Variants in ANKRD30A observed in about 807,000 individuals in gnomAD.
The protein encoded by ANKRD30A is ankyrin repeat domain-containing protein 30A.
In ANKRD30A, 170 loss-of-function variants were observed where a neutral mutation model predicts 166.3. The observed-to-expected ratio is 1.02, with a 90% CI of 0.90 to 1.16. ANKRD30A has a LOEUF of 1.16. ANKRD30A is among the 50% of genes most tolerant of loss of function. The pLI is 0.00. For missense variants in ANKRD30A, 1,630 were observed against 1,518.0 expected (o/e 1.07, Z -1.23); for synonymous variants, 564 against 508.9 (o/e 1.11, Z -1.46).
Position 37,147,350 on chromosome 10 carries a change from A to G in ANKRD30A, c.1456-20A>G, listed in dbSNP as rs1449412459. Reference sequence around the variant, plus strand: ...TATGATTTTAAAACTGAAATTATCTATTGATACTACTTTTAACAGAGTCTC... The same window carrying G: ...TATGATTTTAAAACTGAAATTATCTGTTGATACTACTTTTAACAGAGTCTC... On this transcript the variant is annotated intron_variant, in intron 8 of 35. Coordinates refer to ENST00000361713, the MANE Select transcript of ANKRD30A (RefSeq NM_052997.3). The G allele has an allele frequency of 4.0e-6, 6 of 1,506,518 alleles. No homozygotes were observed. Among genetic ancestry groups the G allele is most frequent in the Non-Finnish European group, 4.5e-6 (5 of 1,107,718 alleles). The allele number at this position is 1,506,518 out of a possible 1,614,324, so 93.3% of individuals were successfully genotyped here. A position where few individuals can be genotyped will look rare whatever the true frequency, so the allele number is the denominator to read the frequency against.
intron 25 of ANKRD30A, among the ~76,000 whole-genome samples, chr10:37,190,722 G>C (rs1478587195): frequency 2.0e-5 from 3 of 151,672 alleles, no homozygotes; most frequent in Non-Finnish European, 2.9e-5. Context: ...CTAGAGTGTG[G>C]GTGCTCTGGA....
In ANKRD30A at chr10:37,125,789, TGGA is replaced by T; in HGVS notation, c.7_9del (p.Glu3?). ...ACTCTCTAGCAGGTGGCCGCAGCCA[TGGA>T]GGAGATCTCTGCCGCCGCTGTCAAG... is the stretch of plus-strand genomic sequence containing the variant. On this transcript the variant is annotated start_lost and inframe_deletion, in exon 1 of 36. Coordinates refer to ENST00000361713, the MANE Select transcript of ANKRD30A (RefSeq NM_052997.3). 4 of 665,694 alleles carry T rather than the reference TGGA, an allele frequency of 6.0e-6. No homozygotes were observed. The South Asian group carries it at 7.4e-5, about 12-fold the overall frequency. 41.2% of individuals were successfully genotyped at this position (665,694 alleles called of 1,614,324 possible).
At chr10:37,258,587 A>G in the ANKRD30A span, among the ~76,000 whole-genome samples, 2 of 151,750 alleles carry the variant, frequency 1.3e-5, no homozygotes, top group African/African-American at 4.8e-5. Flanking sequence ...TTTGACCCCT[A>G]TCTTACATCA....
At chr10:37,155,703 C>T (rs61866722) in intron 13 of ANKRD30A, among the ~76,000 whole-genome samples, 15 of 152,074 alleles carry the variant, frequency 9.9e-5, no homozygotes, top group Non-Finnish European at 1.9e-4. Context: ...TTGCAAAAAT[C>T]ATATATAAAT....
At chr10:37,229,466 C>A (rs1056956083) in intron 34 of ANKRD30A, among the ~76,000 whole-genome samples, 2 of 151,934 alleles carry the variant, frequency 1.3e-5, no homozygotes, top group African/African-American at 4.8e-5. Context: ...CTAATATATT[C>A]AACACCTCAA....
At chr10:37,195,009 G>C (rs571912039) in intron 27 of ANKRD30A, among the ~76,000 whole-genome samples, 6 of 152,212 alleles carry the variant, frequency 3.9e-5, no homozygotes, top group Admixed American at 6.5e-5. Flanking sequence ...ATTGTGACAT[G>C]TCATGAGTCT....
intron 19 of ANKRD30A, among the ~76,000 whole-genome samples, chr10:37,167,521 G>T (rs530761545): frequency 6.6e-6 from 1 of 151,456 alleles, no homozygotes; most frequent in African/African-American, 2.4e-5. Flanking sequence ...GTTGTTATTC[G>T]TAGGTATTTT....
At chr10:37,158,359 T>A (rs781624747) in intron 13 of ANKRD30A, 33 bp from the exon 14 acceptor site, 16 of 1,599,006 alleles carry the variant, frequency 1.0e-5, no homozygotes, top group Admixed American at 1.7e-5. Flanking sequence ...CAGGCTTGCA[T>A]ATAATCAATT....
chr10:37,262,050 G>A, the ANKRD30A span: 1 of 152,302 alleles, frequency 6.6e-6, no homozygotes, highest in Non-Finnish European at 1.5e-5. Flanking sequence ...AAATGTATTT[G>A]ATAGATCCTT....
chr10:37,212,064 A>G (rs1279842624), intron 31 of ANKRD30A, among the ~76,000 whole-genome samples: 1 of 152,094 alleles, frequency 6.6e-6, no homozygotes, highest in East Asian at 1.9e-4. Flanking sequence ...AATTAGGGAA[A>G]GAGGAAGTTG....
Position 37,166,784 on chromosome 10 carries a change from T to C in ANKRD30A, c.2155+89T>C. ...ATATCCTCTAGTAGCTGAAGAAAATTACCTCCTAAATGCAAACCATGGAAA... is the reference window on the plus strand; with the variant it reads ...ATATCCTCTAGTAGCTGAAGAAAATCACCTCCTAAATGCAAACCATGGAAA... On this transcript the variant is annotated intron_variant, in intron 19 of 35. Coordinates refer to ENST00000361713, the MANE Select transcript of ANKRD30A (RefSeq NM_052997.3). 4 of 1,564,500 alleles carry C rather than the reference T, an allele frequency of 2.6e-6. No homozygotes were observed. The Admixed American group carries it at 6.4e-5, about 25-fold the overall frequency.
At chr10:37,134,390 AT>A (rs1456985619) in intron 5 of ANKRD30A, among the ~76,000 whole-genome samples, 1 of 152,202 alleles carries the variant, frequency 6.6e-6, no homozygotes, top group Non-Finnish European at 1.5e-5. Flanking sequence ...CAAGGAAGAC[AT>A]TCTTTTTGTG....
chr10:37,221,791 G>A (rs948161052), intron 34 of ANKRD30A, among the ~76,000 whole-genome samples: 24 of 151,052 alleles, frequency 1.6e-4, no homozygotes, highest in Non-Finnish European at 3.0e-4. Context: ...TTACCATGGC[G>A]AGGCAAGCCA....
intron 7 of ANKRD30A, 28 bp downstream of exon 7, chr10:37,142,318 G>A (rs748395220): frequency 4.5e-6 from 7 of 1,546,796 alleles, no homozygotes; most frequent in Non-Finnish European, 6.1e-6. Flanking sequence ...ACTTTGTAAG[G>A]TTTATTGGCA....
At chr10:37,166,292 T>C (rs1191042713) in intron 18 of ANKRD30A, among the ~76,000 whole-genome samples, 1 of 152,214 alleles carries the variant, frequency 6.6e-6, no homozygotes, top group Non-Finnish European at 1.5e-5. Flanking sequence ...GACTAGAACA[T>C]AAGTTAGATA....
chr10:37,157,135 A>G (rs1838446176), intron 13 of ANKRD30A, among the ~76,000 whole-genome samples: 1 of 152,222 alleles, frequency 6.6e-6, no homozygotes, highest in Non-Finnish European at 1.5e-5. Flanking sequence ...ATCTATTTCT[A>G]TCTCAATGAA....
Position 37,193,056 on chromosome 10 carries a change from T to G in ANKRD30A, c.2513-8T>G, listed in dbSNP as rs1257813980. 6.2e-7 allele frequency: 1 copy of G among 1,609,248 alleles called. No individual in the cohort carries two copies. Among genetic ancestry groups the G allele is most frequent in the Admixed American group, 1.7e-5 (1 of 59,964 alleles). On this transcript the variant is annotated splice_region_variant and splice_polypyrimidine_tract_variant and intron_variant, in intron 25 of 35. Transcript: ENST00000361713. ...TACAATAAATTATATATGTCCCTTT[T>G]CTTTTAGAGTCTCCTGATAATGATG...
the ANKRD30A span, among the ~76,000 whole-genome samples, chr10:37,242,672 C>T: frequency 6.6e-6 from 1 of 152,156 alleles, no homozygotes; most frequent in Admixed American, 6.5e-5. Context: ...TCACATGTTT[C>T]GAGGTTCATG....
intron 15 of ANKRD30A, among the ~76,000 whole-genome samples, chr10:37,162,151 C>A (rs1328810240): frequency 6.6e-6 from 1 of 151,950 alleles, no homozygotes; most frequent in Admixed American, 6.6e-5. Context: ...TGGAAAAAAA[C>A]AAATATTCAT....
Sources: allele counts gnomAD v4.1 joint callset (sites outside exome capture counted in the v4.1 genomes callset), GRCh38; gene constraint gnomAD v4.1.1; transcripts MANE v1.5; gene names NCBI Gene and HGNC (gene_info 2026-07-23, HGNC 2026-07-21).